RIIAD1: variants seen among roughly 807,000 people sequenced by gnomAD.
The protein encoded by RIIAD1 is regulatory subunit of type II PKA R-subunit domain containing 1, also known as RIIa domain-containing protein 1.
A neutral mutation model predicts 13.3 loss-of-function variants in RIIAD1; 15 were observed. The observed-to-expected ratio is 1.13, with a 90% confidence interval of 0.76 to 1.74. The LOEUF (loss-of-function observed/expected upper bound fraction) is 1.74, where lower values mean the gene tolerates loss of function less well. RIIAD1 is among the 40% of genes most tolerant of loss of function. RIIAD1 has a pLI of 0.00. For missense variants in RIIAD1, 121 were observed against 112.2 expected, an observed-to-expected ratio of 1.08 and a Z score of -0.35; for synonymous variants, 50 against 43.3, an observed-to-expected ratio of 1.16 and a Z score of -0.61.
At chr1:151,725,163 T>G (rs1300364264) in intron 2 of RIIAD1, among the ~76,000 whole-genome samples, 1 of 132,572 alleles carries the variant, frequency 7.5e-6, no homozygotes, top group Non-Finnish European at 1.5e-5. Flanking sequence ...TGGGCTGGAG[T>G]GCAGTGGCGC....
At position 151,728,747 on chromosome 1, in the gene RIIAD1, T is replaced by C. The variant is rs778527422; in HGVS notation, c.209-19T>C. On this transcript the variant is annotated intron_variant, in intron 3 of 4. Coordinates refer to ENST00000479191, the MANE Select transcript of RIIAD1 (RefSeq NM_001144956.3). ...CCCTTTGGGTATAGATGATGTCTTCTTTTTGATTTTTATCCCAGACTACTT... is the reference window on the plus strand; with the variant it reads ...CCCTTTGGGTATAGATGATGTCTTCCTTTTGATTTTTATCCCAGACTACTT... 2.0e-5 allele frequency: 29 copies of C among 1,449,560 alleles called. No individual in the cohort carries two copies. Among genetic ancestry groups the C allele is most frequent in the Non-Finnish European group, 2.7e-5 (29 of 1,054,634 alleles). The allele number at this position is 1,449,560 out of a possible 1,614,324, so 89.8% of individuals were successfully genotyped here. A position where few individuals can be genotyped will look rare whatever the true frequency, so the allele number is the denominator to read the frequency against.
At chr1:151,722,575 T>C (rs146750434) in intron 2 of RIIAD1, among the ~76,000 whole-genome samples, 13 of 152,274 alleles carry the variant, frequency 8.5e-5, no homozygotes, top group African/African-American at 3.1e-4. Flanking sequence ...AGCCTGGCAT[T>C]TGCTTGAATG....
intron 2 of RIIAD1, 108 bp from the exon 3 acceptor site, chr1:151,727,467 G>A: frequency 2.6e-6 from 2 of 756,538 alleles, no homozygotes; most frequent in African/African-American, 3.5e-5. Context: ...TGACTCCCAA[G>A]ATGGTTGTGT....
upstream of RIIAD1, chr1:151,719,656 C>G (rs1444383986): frequency 1.4e-6 from 1 of 702,790 alleles, no homozygotes; most frequent in African/African-American, 1.7e-5. Context: ...TATAACCTTC[C>G]TGCCCTCAAG....
chr1:151,718,264 C>T (rs1673634371), upstream of RIIAD1, among the ~76,000 whole-genome samples: 1 of 152,150 alleles, frequency 6.6e-6, no homozygotes, highest in South Asian at 2.1e-4. Flanking sequence ...AACTCCTAAA[C>T]CCTCACCACC....
At chr1:151,713,234 A>G (rs1571933370) in intron 2 of RIIAD1, among the ~76,000 whole-genome samples, 1 of 151,824 alleles carries the variant, frequency 6.6e-6, no homozygotes, top group Admixed American at 6.6e-5. Flanking sequence ...CTTCTTCCTC[A>G]CCCCCACCCT....
At chr1:151,715,746 C>T in intron 4 of RIIAD1, 1 of 1,595,306 alleles carries the variant, frequency 6.3e-7, no homozygotes, top group Non-Finnish European at 8.5e-7. Flanking sequence ...CCTCCATCCA[C>T]TTTCCTCAGG....
chr1:151,722,818 G>C (rs535085036), intron 2 of RIIAD1, among the ~76,000 whole-genome samples: 1 of 152,162 alleles, frequency 6.6e-6, no homozygotes, highest in Non-Finnish European at 1.5e-5. Context: ...CCAAAGCTCC[G>C]AGCTTGTGGA....
intron 3 of RIIAD1, 107 bp from the exon 4 acceptor site, chr1:151,728,659 G>C: frequency 1.4e-6 from 1 of 711,826 alleles, no homozygotes; most frequent in Non-Finnish European, 2.5e-6. Context: ...TAGCAGTCCT[G>C]CGTACCAAGC....
intron 2 of RIIAD1, among the ~76,000 whole-genome samples, chr1:151,723,038 G>T (rs144093786): frequency 3.3e-5 from 5 of 152,338 alleles, no homozygotes; most frequent in African/African-American, 1.2e-4. Context: ...GTAAGCAGTC[G>T]GTCCCCATTT....
upstream of RIIAD1, among the ~76,000 whole-genome samples, chr1:151,718,409 A>G (rs1673647130): frequency 6.6e-6 from 1 of 152,238 alleles, no homozygotes; most frequent in Admixed American, 6.5e-5. Context: ...CTGGCTCCTG[A>G]GTCCACGCAT....
chr1:151,719,731 G>T, upstream of RIIAD1: 1 of 662,466 alleles, frequency 1.5e-6, no homozygotes, highest in South Asian at 1.6e-5. Context: ...GTACTGAGAC[G>T]CTGTTAAAAA....
At chr1:151,719,688 G>A (rs1673700631), upstream of RIIAD1, 2 of 702,620 alleles carry the variant, frequency 2.8e-6, no homozygotes, top group Admixed American at 4.0e-5. Flanking sequence ...TCAAGTGGAA[G>A]GTAAGACAGG....
chr1:151,719,822 A>T, upstream of RIIAD1: 1 of 589,498 alleles, frequency 1.7e-6, no homozygotes, highest in Middle Eastern at 2.6e-4. Flanking sequence ...TGATTATCAA[A>T]GCACAAGAAG....
chr1:151,716,818 C>G (rs928801789), upstream of RIIAD1: 3 of 466,958 alleles, frequency 6.4e-6, no homozygotes, highest in African/African-American at 4.0e-5. Context: ...CCCTCCACAC[C>G]CCCCTCCCCA....
upstream of RIIAD1, among the ~76,000 whole-genome samples, chr1:151,717,932 A>G (rs1396735747): frequency 6.6e-6 from 1 of 152,172 alleles, no homozygotes. Context: ...TGCAGGGATT[A>G]TCTGTGGACA....
At chr1:151,721,430 C>A, upstream of RIIAD1, 1 of 559,034 alleles carries the variant, frequency 1.8e-6, no homozygotes, top group Non-Finnish European at 2.7e-6. Context: ...TCAGTTCCCT[C>A]AGCCCCTAGC....
chr1:151,716,395 AG>A (rs2101494077), intron 4 of RIIAD1: 1 of 272,262 alleles, frequency 3.7e-6, no homozygotes, highest in East Asian at 8.8e-5. Flanking sequence ...TTGAGATGAG[AG>A]CTGGAGGCGG....
At chr1:151,728,665 C>G (rs957872543) in intron 3 of RIIAD1, 101 bp from the exon 4 acceptor site, 1 of 728,404 alleles carries the variant, frequency 1.4e-6, no homozygotes, top group African/African-American at 1.7e-5. Flanking sequence ...TCCTGCGTAC[C>G]AAGCCATCCT....
Sources: allele counts gnomAD v4.1 joint callset (sites outside exome capture counted in the v4.1 genomes callset), GRCh38; gene constraint gnomAD v4.1.1; transcripts MANE v1.5; gene names NCBI Gene and HGNC (gene_info 2026-07-23, HGNC 2026-07-21).